SNRPD1: variants seen among roughly 807,000 people sequenced by gnomAD.
SNRPD1 encodes small nuclear ribonucleoprotein Sm D1.
In SNRPD1, 1 loss-of-function variant was observed where a neutral mutation model predicts 14.4. That is an observed-to-expected ratio of 0.07 (90% CI 0.02 to 0.33). The LOEUF is 0.33. Among genes scored for constraint, SNRPD1 ranks in the 10% least tolerant of loss-of-function variants. The pLI is 1.00. For missense variants in SNRPD1, 52 were observed against 146.4 expected (o/e 0.36, Z 3.33); for synonymous variants, 42 against 50.3 (o/e 0.83, Z 0.70).
intron 1 of SNRPD1, among the ~76,000 whole-genome samples, chr18:21,619,636 C>T (rs1190012700): frequency 6.6e-6 from 1 of 151,760 alleles, no homozygotes; most frequent in Non-Finnish European, 1.5e-5. Flanking sequence ...AAAAATCAGC[C>T]AGGTGTGGTG....
In SNRPD1 at chr18:21,629,719, T is replaced by C. The variant is rs959654358; in HGVS notation, c.*581T>C. 2.0e-5 allele frequency: 3 copies of C among 153,026 alleles called. No individual in the cohort carries two copies. The highest frequency in any genetic ancestry group is 7.2e-5 in the African/African-American group (3 of 41,474). 9.5% of individuals were successfully genotyped at this position (153,026 alleles called of 1,614,324 possible). A position where few individuals can be genotyped will look rare whatever the true frequency, so the allele number is the denominator to read the frequency against. On this transcript the variant is annotated 3_prime_UTR_variant, in exon 4 of 4. Transcript: ENST00000300413. ...CGTCCAGTTAGGCTACAGTTCTATGTACTGAGAAACCTTTAAGCTGAACTT... is the reference window on the plus strand; with the variant it reads ...CGTCCAGTTAGGCTACAGTTCTATGCACTGAGAAACCTTTAAGCTGAACTT...
rs1302562389 is a variant in SNRPD1, at chr18:21,632,403, G to T, written c.*3265G>T. The T allele has an allele frequency of 6.6e-6, 1 of 151,476 alleles. No homozygotes were observed. Among genetic ancestry groups the T allele is most frequent in the Non-Finnish European group, 1.5e-5 (1 of 67,992 alleles). The allele number at this position is 151,476 out of a possible 1,614,324, so 9.4% of individuals were successfully genotyped here. Reference sequence around the variant, plus strand: ...GAACCCTGGAGGCAGAGGTTGCAGTGAGCTGAGATCACACCACTGCACTTC... The same window carrying T: ...GAACCCTGGAGGCAGAGGTTGCAGTTAGCTGAGATCACACCACTGCACTTC... On this transcript the variant is annotated 3_prime_UTR_variant, in exon 4 of 4. Coordinates refer to ENST00000300413, the MANE Select transcript of SNRPD1 (RefSeq NM_006938.4).
At chr18:21,616,460 C>T (rs948728560) in intron 1 of SNRPD1, among the ~76,000 whole-genome samples, 3 of 151,942 alleles carry the variant, frequency 2.0e-5, no homozygotes, top group Non-Finnish European at 4.4e-5. Context: ...CAGGTTCAAG[C>T]GATTCTCCTA....
intron 1 of SNRPD1, among the ~76,000 whole-genome samples, chr18:21,613,653 G>C (rs1332264134): frequency 6.6e-6 from 1 of 151,782 alleles, no homozygotes; most frequent in African/African-American, 2.4e-5. Flanking sequence ...TCAGGAGTTC[G>C]AGACCAGCCT....
At position 21,630,248 on chromosome 18, in the gene SNRPD1, C is replaced by G. The variant is rs958034614; in HGVS notation, c.*1110C>G. The stretch of plus-strand genomic sequence containing the variant: ...AGACCTACTTTATTTGACAGCAAAA[C>G]TGTTCTAATTGTTAATAAGGACTTT... On this transcript the variant is annotated 3_prime_UTR_variant, in exon 4 of 4. Transcript: ENST00000300413. 1.3e-5 allele frequency: 2 copies of G among 152,118 alleles called. No homozygotes were observed. The highest frequency in any genetic ancestry group is 4.8e-5 in the African/African-American group (2 of 41,436). 9.4% of individuals were successfully genotyped at this position (152,118 alleles called of 1,614,324 possible).
chr18:21,623,991 C>T lies in SNRPD1; in HGVS notation c.283+52C>T. 4 of 1,027,740 alleles carry T rather than the reference C, an allele frequency of 3.9e-6. No homozygotes were observed. The East Asian group carries it at 9.6e-5, about 25-fold the overall frequency. 63.7% of individuals were successfully genotyped at this position (1,027,740 alleles called of 1,614,324 possible). ...TTGTGAATGCTAATCCTAATCCACA[C>T]TATTCATAATATAGATATTATTTGC... On this transcript the variant is annotated intron_variant, in intron 3 of 3. Transcript: ENST00000300413.
At position 21,622,171 on chromosome 18, in the gene SNRPD1, G is replaced by T. The variant is rs189196679; in HGVS notation, c.15-554G>T. Among the ~76,000 whole-genome samples, 842 of 149,938 alleles carry T rather than the reference G, an allele frequency of 5.6e-3. 10 individuals carry two copies. The highest frequency in any genetic ancestry group is 0.02 in the African/African-American group (807 of 40,660). ...TTTTTTTTTTTTGAGACGGAGTCTC[G>T]CTCTGTTGCCCAGGCTGGAGTGCAG... On this transcript the variant is annotated intron_variant, in intron 1 of 3. Transcript: ENST00000300413.
chr18:21,623,044 A>G (rs188153870), intron 2 of SNRPD1, among the ~76,000 whole-genome samples: 67 of 151,432 alleles, frequency 4.4e-4, no homozygotes, highest in African/African-American at 1.6e-3. Flanking sequence ...CTCCTGTCTC[A>G]GCCTCCCAAG....
At chr18:21,618,302 C>T (rs2071426221) in intron 1 of SNRPD1, among the ~76,000 whole-genome samples, 1 of 151,450 alleles carries the variant, frequency 6.6e-6, no homozygotes, top group African/African-American at 2.4e-5. Flanking sequence ...GGCATGGTGG[C>T]ATAGTCTCAG....
intron 1 of SNRPD1, among the ~76,000 whole-genome samples, chr18:21,617,587 C>T (rs2038966656): frequency 1.3e-5 from 2 of 152,162 alleles, no homozygotes; most frequent in South Asian, 4.1e-4. Context: ...GCCTGGTACT[C>T]CACTTCATTG....
At chr18:21,626,998 A>G (rs947985253) in intron 3 of SNRPD1, among the ~76,000 whole-genome samples, 57 of 149,868 alleles carry the variant, frequency 3.8e-4, no homozygotes, top group African/African-American at 1.4e-3. Flanking sequence ...AAAAAAAAAA[A>G]GAAGCAGCAG....
intron 1 of SNRPD1, among the ~76,000 whole-genome samples, chr18:21,619,846 A>G (rs2038985070): frequency 6.6e-6 from 1 of 152,170 alleles, no homozygotes; most frequent in Admixed American, 6.5e-5. Flanking sequence ...GGGCAGTGAC[A>G]CAGTCATGGC....
At chr18:21,622,660 C>G (rs2039007063) in intron 1 of SNRPD1, 65 bp from the exon 2 acceptor site, 1 of 795,820 alleles carries the variant, frequency 1.3e-6, no homozygotes, top group African/African-American at 1.7e-5. Flanking sequence ...TTGTTTCACC[C>G]TTTCACCTTA....
At chr18:21,621,690 G>T (rs1385984598) in intron 1 of SNRPD1, among the ~76,000 whole-genome samples, 3 of 152,058 alleles carry the variant, frequency 2.0e-5, no homozygotes, top group African/African-American at 7.2e-5. Context: ...CGATTCTCCT[G>T]CCTCAGCCTT....
chr18:21,625,466 G>A (rs1376555013), intron 3 of SNRPD1, among the ~76,000 whole-genome samples: 1 of 151,684 alleles, frequency 6.6e-6, no homozygotes, highest in Non-Finnish European at 1.5e-5. Flanking sequence ...ATAGGTGTGT[G>A]CCACCACACC....
chr18:21,632,804 G>T lies in SNRPD1; in HGVS notation c.*3666G>T. ...GTACACATCTGATATTTAATGAGAT[G>T]TTACATATGAACTTTAGTTTTTTTT... On this transcript the variant is annotated 3_prime_UTR_variant, in exon 4 of 4. Coordinates refer to ENST00000300413, the MANE Select transcript of SNRPD1 (RefSeq NM_006938.4). 1 of 153,302 alleles carries T rather than the reference G, an allele frequency of 6.5e-6. No individual in the cohort carries two copies. Among genetic ancestry groups the T allele is most frequent in the East Asian group, 1.9e-4 (1 of 5,254 alleles). 9.5% of individuals were successfully genotyped at this position (153,302 alleles called of 1,614,324 possible).
chr18:21,625,952 C>T (rs563738639), intron 3 of SNRPD1, among the ~76,000 whole-genome samples: 1 of 152,098 alleles, frequency 6.6e-6, no homozygotes, highest in South Asian at 2.1e-4. Flanking sequence ...TTCTTTGTTC[C>T]TCTGGGTAGT....
chr18:21,626,297 G>A (rs1244724210), intron 3 of SNRPD1, among the ~76,000 whole-genome samples: 2 of 151,302 alleles, frequency 1.3e-5, no homozygotes, highest in Non-Finnish European at 2.9e-5. Flanking sequence ...GGGTGGCTGA[G>A]GCAGGAGAAT....
chr18:21,619,933 G>C (rs2038985720), intron 1 of SNRPD1, among the ~76,000 whole-genome samples: 1 of 152,082 alleles, frequency 6.6e-6, no homozygotes, highest in Non-Finnish European at 1.5e-5. Flanking sequence ...ACAGGCATGA[G>C]CCAACAGGCC....
Sources: gnomAD v4.1 joint callset for allele counts (sites outside exome capture counted in the v4.1 genomes callset) on GRCh38, gnomAD v4.1.1 for gene constraint, MANE v1.5 for transcripts, NCBI Gene and HGNC (gene_info 2026-07-23, HGNC 2026-07-21) for gene names.